Variants in MAP2K5 observed in about 807,000 individuals in gnomAD.
The protein encoded by MAP2K5 is dual specificity mitogen-activated protein kinase kinase 5.
A neutral mutation model predicts 83.1 loss-of-function variants in MAP2K5; 49 were observed. That is an observed-to-expected ratio of 0.59 (90% CI 0.47 to 0.75). The LOEUF (loss-of-function observed/expected upper bound fraction) is 0.75. MAP2K5 is among the 30% of genes least tolerant of loss of function. MAP2K5 has a pLI of 0.00. For synonymous variants in MAP2K5, 202 were observed against 191.8 expected (o/e 1.05, Z -0.44); for missense variants, 457 against 557.5 (o/e 0.82, Z 1.82).
intron 9 of MAP2K5, among the ~76,000 whole-genome samples, chr15:67,645,768 G>C (rs1343754645): frequency 6.6e-6 from 1 of 151,508 alleles, no homozygotes; most frequent in Non-Finnish European, 1.5e-5. Context: ...GCTTAGACTG[G>C]CCATATACCC....
At position 67,731,395 on chromosome 15, in the gene MAP2K5, T is replaced by A. The variant is rs918153252; in HGVS notation, c.1074+3450T>A. 1.4e-4 allele frequency among the ~76,000 whole-genome samples: 21 copies of A among 152,184 alleles called. 1 individual carries two copies. ...GGCTGGGTTTTTGTTGAGATAGCCATTCTGTATGAGTTTCATTGTTTTGTG... is the reference window on the plus strand; with the variant it reads ...GGCTGGGTTTTTGTTGAGATAGCCAATCTGTATGAGTTTCATTGTTTTGTG... On this transcript the variant is annotated intron_variant, in intron 17 of 21. Coordinates refer to ENST00000178640, the MANE Select transcript of MAP2K5 (RefSeq NM_145160.3).
At chr15:67,672,981 G>T (rs1021569055) in intron 13 of MAP2K5, among the ~76,000 whole-genome samples, 1 of 152,062 alleles carries the variant, frequency 6.6e-6, no homozygotes, top group African/African-American at 2.4e-5. Context: ...TAGATATGCG[G>T]TGTTATTTCT....
At chr15:67,727,028 A>G (rs921452114) in intron 16 of MAP2K5, among the ~76,000 whole-genome samples, 14 of 152,028 alleles carry the variant, frequency 9.2e-5, no homozygotes, top group African/African-American at 3.1e-4. Flanking sequence ...GTGAAACCCC[A>G]TCTCTACTAA....
intron 11 of MAP2K5, among the ~76,000 whole-genome samples, chr15:67,657,776 A>G (rs942882011): frequency 3.3e-5 from 5 of 152,028 alleles, no homozygotes; most frequent in African/African-American, 9.7e-5. Context: ...ACTTGCATAC[A>G]TATGTTTGTA....
intron 9 of MAP2K5, among the ~76,000 whole-genome samples, chr15:67,633,757 T>C (rs67356187): frequency 0.14 from 21,210 of 152,200 alleles, 1,579 homozygotes; most frequent in East Asian, 0.22. Context: ...AGAGCAGATA[T>C]GATTATTGTG....
At chr15:67,575,921 T>TC (rs55748942) in intron 3 of MAP2K5, among the ~76,000 whole-genome samples, 1 of 91,396 alleles carries the variant, frequency 1.1e-5, no homozygotes, top group Admixed American at 1.2e-4. Context: ...TCTTTCTTTT[T>TC]TTTTTTTTTT....
At chr15:67,642,537 C>T in intron 9 of MAP2K5, 1 of 1,164,232 alleles carries the variant, frequency 8.6e-7, no homozygotes, top group Non-Finnish European at 1.3e-6. Flanking sequence ...CAAGCTGGGT[C>T]TAAAAGATAG....
chr15:67,593,506 C>T (rs2085458602), intron 7 of MAP2K5, among the ~76,000 whole-genome samples: 1 of 152,216 alleles, frequency 6.6e-6, no homozygotes, highest in African/African-American at 2.4e-5. Flanking sequence ...AACAAGCCTT[C>T]AGGCCAGTTA....
intron 20 of MAP2K5, 36 bp from the exon 21 acceptor site, chr15:67,772,671 C>G: frequency 2.1e-6 from 3 of 1,417,088 alleles, no homozygotes; most frequent in Non-Finnish European, 2.9e-6. Context: ...ACAAATGACA[C>G]AGATAACATA....
At chr15:67,707,963 A>C (rs1355522392) in intron 16 of MAP2K5, among the ~76,000 whole-genome samples, 1 of 152,130 alleles carries the variant, frequency 6.6e-6, no homozygotes, top group African/African-American at 2.4e-5. Flanking sequence ...GTGGTAAAGA[A>C]AAAAAAACTG....
rs976766267 is a variant in MAP2K5 at position 67,801,193 on chromosome 15, G to A, written c.1243-5453G>A. On this transcript the variant is annotated intron_variant, in intron 21 of 21. Transcript: ENST00000178640. The surrounding 1 kb of genome is among the most constrained non-coding windows in gnomAD (Gnocchi z 4.8). ...GGAATCCTAAAGGGAGATGCATAGA[G>A]CCTTCAAGCAAGGCTCACAGGTCCA... is the stretch of plus-strand genomic sequence containing the variant. Among the ~76,000 whole-genome samples, 3 of 152,166 alleles carry A rather than the reference G, an allele frequency of 2.0e-5. No homozygotes were observed. The highest frequency in any genetic ancestry group is 7.2e-5 in the African/African-American group (3 of 41,424).
intron 3 of MAP2K5, among the ~76,000 whole-genome samples, chr15:67,576,802 T>A (rs1466651572): frequency 6.8e-6 from 1 of 147,774 alleles, no homozygotes; most frequent in Non-Finnish European, 1.5e-5. Context: ...TGCTTAATAT[T>A]GTTTCAATAT....
At position 67,681,325 on chromosome 15, in the gene MAP2K5, A is replaced by G. The variant is rs1164320349; in HGVS notation, c.848-11154A>G. On this transcript the variant is annotated intron_variant, in intron 13 of 21. Coordinates refer to ENST00000178640, the MANE Select transcript of MAP2K5 (RefSeq NM_145160.3). ...AGAATTAAGTGAAATTGTGTGCTCAACACTGAGCATGTGAGTGTTGTGAGT... is the reference window on the plus strand; with the variant it reads ...AGAATTAAGTGAAATTGTGTGCTCAGCACTGAGCATGTGAGTGTTGTGAGT... Among the ~76,000 whole-genome samples the G allele has an allele frequency of 2.6e-5, 4 of 152,212 alleles. No homozygotes were observed. In the East Asian group the frequency reaches 7.7e-4, roughly 29 times the overall value.
At position 67,746,927 on chromosome 15, in the gene MAP2K5, TCA is replaced by T. The variant is rs2089617078; in HGVS notation, c.1075-1301_1075-1300del. 2.0e-5 allele frequency among the ~76,000 whole-genome samples: 3 copies of T among 152,196 alleles called. No homozygotes were observed. Among genetic ancestry groups the T allele is most frequent in the South Asian group, 2.1e-4 (1 of 4,828 alleles). On this transcript the variant is annotated intron_variant, in intron 17 of 21. Transcript: ENST00000178640. The surrounding 1 kb of genome is among the most constrained non-coding windows in gnomAD (Gnocchi z 4.1). ...AACATAGCTGCAGCTCTTGAGAAACTCACAGTCTAGGTGAGAGGAACCAACAT... is the reference window on the plus strand; with the variant it reads ...AACATAGCTGCAGCTCTTGAGAAACTCAGTCTAGGTGAGAGGAACCAACAT...
At position 67,764,348 on chromosome 15, in the gene MAP2K5, A is replaced by C. The variant is rs2090002976; in HGVS notation, c.1135-5254A>C. Among the ~76,000 whole-genome samples the C allele has an allele frequency of 6.6e-6, 1 of 152,154 alleles. No homozygotes were observed. Among genetic ancestry groups the C allele is most frequent in the South Asian group, 2.1e-4 (1 of 4,824 alleles). ...CTGTCTGGGAGAGAGGAAAGAAGAA[A>C]GTAGGAGAGCAAAGAAGGTATCTCA... On this transcript the variant is annotated intron_variant, in intron 19 of 21. Coordinates refer to ENST00000178640, the MANE Select transcript of MAP2K5 (RefSeq NM_145160.3). This position sits in a 1 kb window ranked among gnomAD's most constrained non-coding sequence, Gnocchi z 4.9.
rs893056364 is a variant in MAP2K5, at chr15:67,739,732, C to T, written c.1075-8499C>T. Among the ~76,000 whole-genome samples the T allele has an allele frequency of 2.0e-5, 3 of 151,900 alleles. No individual in the cohort carries two copies. The East Asian group carries it at 5.8e-4, about 29-fold the overall frequency. ...CTGACCTCAGGTGATCCACCCACCT[C>T]GGCCACCCAAAGTGCTAGGATTACA... On this transcript the variant is annotated intron_variant, in intron 17 of 21. Transcript: ENST00000178640.
chr15:67,690,439 T>G lies in MAP2K5; in HGVS notation c.848-2040T>G, dbSNP rs1441737318. 1.3e-5 allele frequency among the ~76,000 whole-genome samples: 2 copies of G among 152,144 alleles called. No homozygotes were observed. The highest frequency in any genetic ancestry group is 4.8e-5 in the African/African-American group (2 of 41,420). On this transcript the variant is annotated intron_variant, in intron 13 of 21. Coordinates refer to ENST00000178640, the MANE Select transcript of MAP2K5 (RefSeq NM_145160.3). This position sits in a 1 kb window ranked among gnomAD's most constrained non-coding sequence, Gnocchi z 4.3. ...GTAGTGAAAGTGGTATATTTAAGGT[T>G]TAATATGATGATGGTATAAGAATTA...
intron 17 of MAP2K5, among the ~76,000 whole-genome samples, chr15:67,741,787 T>G (rs981877269): frequency 3.3e-5 from 5 of 152,292 alleles, no homozygotes; most frequent in African/African-American, 1.2e-4. Flanking sequence ...GAGACATGAC[T>G]GCTATCTTCA....
chr15:67,732,771 T>G (rs139926538), intron 17 of MAP2K5, among the ~76,000 whole-genome samples: 1 of 152,284 alleles, frequency 6.6e-6, no homozygotes, highest in African/African-American at 2.4e-5. Flanking sequence ...GAGGCTGTAC[T>G]AGATTTTGCT....
Sources: allele counts gnomAD v4.1 joint callset (sites outside exome capture counted in the v4.1 genomes callset), GRCh38; gene constraint gnomAD v4.1.1; non-coding constraint Gnocchi (gnomAD v3.1); transcripts MANE v1.5; gene names NCBI Gene and HGNC (gene_info 2026-07-23, HGNC 2026-07-21).